KMT2C: variants seen among roughly 807,000 people sequenced by gnomAD.
KMT2C encodes the protein histone-lysine N-methyltransferase 2C.
A neutral mutation model predicts 507.9 loss-of-function variants in KMT2C; 88 were observed. The ratio of observed to expected loss-of-function variants is 0.17; its 90% CI spans 0.15 to 0.21. The LOEUF is 0.21. KMT2C is among the 10% of genes least tolerant of loss of function. KMT2C has a pLI of 1.00. For synonymous variants in KMT2C, 2,049 were observed against 2,080.8 expected (o/e 0.98, Z 0.42); for missense variants, 4,954 against 5,957.8 (o/e 0.83, Z 5.55).
intron 26 of KMT2C, among the ~76,000 whole-genome samples, chr7:152,202,393 T>C (rs2094171872): frequency 6.6e-6 from 1 of 152,244 alleles, no homozygotes; most frequent in Non-Finnish European, 1.5e-5. Flanking sequence ...AAATTTTTTT[T>C]GTAGTCTACA....
intron 6 of KMT2C, among the ~76,000 whole-genome samples, chr7:152,291,904 C>CA (rs1168729025): frequency 6.6e-6 from 1 of 152,188 alleles, no homozygotes; most frequent in Non-Finnish European, 1.5e-5. Flanking sequence ...ATTTAATTAA[C>CA]TACTGTTGGT....
Position 152,138,718 on chromosome 7 carries a change from G to A in KMT2C, c.14643+78C>T. The A allele has an allele frequency of 1.1e-6, 1 of 876,236 alleles. No individual in the cohort carries two copies. Among genetic ancestry groups the A allele is most frequent in the Non-Finnish European group, 1.8e-6 (1 of 550,138 alleles). The allele number at this position is 876,236 out of a possible 1,614,324, so 54.3% of individuals were successfully genotyped here. A position where few individuals can be genotyped will look rare whatever the true frequency, so the allele number is the denominator to read the frequency against. On this transcript the variant is annotated intron_variant, in intron 58 of 58. Transcript: ENST00000262189. The surrounding 1 kb of genome is among the most constrained non-coding windows in gnomAD (Gnocchi z 4.2). The stretch of plus-strand genomic sequence containing the variant: ...CAACAAAGAATTGGGAAACAAGTGA[G>A]TAAGTGACCTGTGTGAGGAGGGAAC...
At chr7:152,368,461 A>C (rs2097265244) in intron 1 of KMT2C, 2 of 1,225,510 alleles carry the variant, frequency 1.6e-6, no homozygotes, top group Non-Finnish European at 2.4e-6. Context: ...AAAAGTTCAA[A>C]AACTAAAGGA....
intron 51 of KMT2C, among the ~76,000 whole-genome samples, chr7:152,149,364 T>C (rs993325726): frequency 3.3e-5 from 5 of 152,192 alleles, no homozygotes; most frequent in African/African-American, 1.2e-4. Context: ...TGATGGCAGC[T>C]GTGCCGCGTC....
rs1379758027 is a variant in KMT2C at position 152,252,418 on chromosome 7, A to G, written c.1469+128T>C. The G allele has an allele frequency of 6.9e-6, 5 of 723,652 alleles. No homozygotes were observed. In the East Asian group the frequency reaches 1.4e-4, roughly 20 times the overall value. 44.8% of individuals were successfully genotyped at this position (723,652 alleles called of 1,614,324 possible). ...TCAAAAACATCATTTAATTCCATCT[A>G]TAACAGCAATCAGTACTGATGGAAT... On this transcript the variant is annotated intron_variant, in intron 10 of 58. Transcript: ENST00000262189.
At chr7:152,153,784 A>T (rs1418370398) in intron 48 of KMT2C, among the ~76,000 whole-genome samples, 4 of 152,180 alleles carry the variant, frequency 2.6e-5, no homozygotes, top group Non-Finnish European at 5.9e-5. Flanking sequence ...TTAATAAGAA[A>T]ATGTGAGCTC....
At chr7:152,139,142 C>T (rs1449147911) in intron 57 of KMT2C, 44 bp downstream of exon 57, 1 of 1,583,594 alleles carries the variant, frequency 6.3e-7, no homozygotes, top group Admixed American at 1.7e-5. Context: ...CAGCACTGGC[C>T]CCACAAGCAA....
In KMT2C at chr7:152,169,195, C is replaced by T; in HGVS notation, c.9508G>A (p.Gly3170Ser). The T allele has an allele frequency of 6.3e-7, 1 of 1,594,324 alleles. No individual in the cohort carries two copies. The highest frequency in any genetic ancestry group is 8.6e-7 in the Non-Finnish European group (1 of 1,162,110). Residue 3170 changes from glycine (G) to serine (S), a missense_variant, in exon 41 of 59, where the codon GGC becomes AGC. By Grantham distance (56) the Gly-to-Ser change is moderately conservative (BLOSUM62 0). Coordinates refer to ENST00000262189, the MANE Select transcript of KMT2C (RefSeq NM_170606.3). ...SRPNPPNFGP[G>S]FVNDSQRKQY... ...TTAGATTTATACTTACTGACAAAGCCTGGACCAAAATTTGGAGGATTAGGC... is the reference window on the plus strand; with the variant it reads ...TTAGATTTATACTTACTGACAAAGCTTGGACCAAAATTTGGAGGATTAGGC...
intron 23 of KMT2C, among the ~76,000 whole-genome samples, chr7:152,213,140 C>T (rs930147044): frequency 1.2e-4 from 18 of 152,204 alleles, no homozygotes; most frequent in Admixed American, 2.0e-4. Context: ...TCCATACTAT[C>T]CAAAGTGATC....
In KMT2C at chr7:152,163,751, C is replaced by T. The variant is rs1345198442; in HGVS notation, c.9826G>A (p.Ala3276Thr). The T allele has an allele frequency of 2.5e-6, 4 of 1,613,976 alleles. No homozygotes were observed. The highest frequency in any genetic ancestry group is 3.4e-6 in the Non-Finnish European group (4 of 1,180,014). Residue 3276 changes from alanine (A) to threonine (T), a missense_variant, in exon 43 of 59, where the codon GCC (alanine) becomes ACC (threonine). Transcript: ENST00000262189. ...ACACTGGGCATCATGGTAGGTGGGGCCATTGCACATTGCTGCTGCTGTTTG... is the reference window on the plus strand; with the variant it reads ...ACACTGGGCATCATGGTAGGTGGGGTCATTGCACATTGCTGCTGCTGTTTG... The part of the protein sequence containing the change: ...RIKQQQQCAM[A>T]PPTMMPSVQP...
At chr7:152,265,762 G>T (rs2095849461) in intron 7 of KMT2C, among the ~76,000 whole-genome samples, 1 of 151,652 alleles carries the variant, frequency 6.6e-6, no homozygotes, top group Non-Finnish European at 1.5e-5. Context: ...TTATGTGGAA[G>T]AACATTAAAG....
intron 23 of KMT2C, among the ~76,000 whole-genome samples, chr7:152,211,431 G>T (rs1488819070): frequency 6.6e-6 from 1 of 152,172 alleles, no homozygotes; most frequent in Non-Finnish European, 1.5e-5. Flanking sequence ...ATGTAACACA[G>T]GAGAGAACAG....
intron 2 of KMT2C, among the ~76,000 whole-genome samples, chr7:152,335,500 A>AT (rs1417218597): frequency 6.6e-6 from 1 of 151,804 alleles, no homozygotes; most frequent in African/African-American, 2.4e-5. Flanking sequence ...CTGAAAACAC[A>AT]TTTTTTCCTG....
At chr7:152,272,649 A>G (rs995416153) in intron 7 of KMT2C, among the ~76,000 whole-genome samples, 2 of 152,196 alleles carry the variant, frequency 1.3e-5, no homozygotes, top group Non-Finnish European at 2.9e-5. Context: ...ATTAGCCTAA[A>G]TATAATTTAA....
intron 18 of KMT2C, among the ~76,000 whole-genome samples, chr7:152,226,449 C>T (rs1416129065): frequency 6.6e-6 from 1 of 151,970 alleles, no homozygotes; most frequent in Admixed American, 6.5e-5. Flanking sequence ...GCCAGACTGG[C>T]TTGAACTCCT....
In KMT2C at chr7:152,176,698, A is replaced by C. The variant is rs1163111675; in HGVS notation, c.8755T>G (p.Ser2919Ala). The change falls in exon 38 of 59, where the codon TCA becomes GCA. Residue 2919 changes from serine (S) to alanine (A), a missense_variant. Physicochemically the swap from Ser to Ala is moderately conservative, Grantham distance 99. Coordinates refer to ENST00000262189, the MANE Select transcript of KMT2C (RefSeq NM_170606.3). ...CGITGSTPVL[S>A]SLLANEKSDN... ...GATTTCTCATTAGCAAGTAAACTTG[A>C]GAGAACTGGAGTTGATCCAGTTATG... 5 of 1,614,094 alleles carry C rather than the reference A, an allele frequency of 3.1e-6. No homozygotes were observed.
chr7:152,408,017 G>C (rs1353527342), intron 1 of KMT2C, among the ~76,000 whole-genome samples: 1 of 133,518 alleles, frequency 7.5e-6, no homozygotes. Context: ...TGGCCGGGTG[G>C]GGTGGCTCAC....
rs113752747 is a variant in KMT2C, at chr7:152,257,865, G to GCACACA, written c.1299+5145_1299+5150dup. Among the ~76,000 whole-genome samples the GCACACA allele has an allele frequency of 9.0e-3, 1,322 of 147,302 alleles. 14 individuals are homozygous for GCACACA. Among genetic ancestry groups the GCACACA allele is most frequent in the African/African-American group, 0.031 (1,276 of 40,628 alleles). On this transcript the variant is annotated intron_variant, in intron 9 of 58. Transcript: ENST00000262189. ...GATAGCCGATGAGCTACACACACAC[G>GCACACA]CACACACACACACACACACAAAAAA... is the stretch of plus-strand genomic sequence containing the variant.
intron 43 of KMT2C, among the ~76,000 whole-genome samples, chr7:152,159,924 T>C (rs10487892): frequency 0.056 from 8,581 of 152,296 alleles, 338 homozygotes; most frequent in Non-Finnish European, 0.08. Flanking sequence ...ATATTCTAAA[T>C]AGTTTAGCGC....
Sources: allele counts gnomAD v4.1 joint callset (sites outside exome capture counted in the v4.1 genomes callset), GRCh38; gene constraint gnomAD v4.1.1; non-coding constraint Gnocchi (gnomAD v3.1); transcripts MANE v1.5; gene names NCBI Gene and HGNC (gene_info 2026-07-23, HGNC 2026-07-21).